Variants in ZNF385C observed in about 807,000 individuals in gnomAD.
ZNF385C encodes CTD-2132N18.2.
Under a neutral mutation model 35.4 loss-of-function variants are expected in ZNF385C, and 28 were observed. The observed-to-expected ratio is 0.79, with a 90% CI of 0.59 to 1.08. The LOEUF (loss-of-function observed/expected upper bound fraction) is 1.08. Ranked by LOEUF, ZNF385C falls within the 50% of genes least tolerant of loss-of-function variation. The pLI is 0.00. For synonymous variants in ZNF385C, 248 were observed against 248.2 expected (o/e 1.00, Z 0.01); for missense variants, 605 against 595.6 (o/e 1.02, Z -0.16).
intron 1 of ZNF385C, among the ~76,000 whole-genome samples, chr17:42,085,992 A>C (rs1370178760): frequency 6.6e-6 from 1 of 152,038 alleles, no homozygotes; most frequent in African/African-American, 2.4e-5. Flanking sequence ...TGCTTGAGCC[A>C]GGGAGGTTGA....
chr17:42,038,835 T>G (rs889924336), intron 2 of ZNF385C: 8 of 152,200 alleles, frequency 5.3e-5, no homozygotes, highest in African/African-American at 1.9e-4. Context: ...TCTGGAACCA[T>G]TGGCCCTTGA....
chr17:42,075,557 C>T (rs562397801), intron 1 of ZNF385C, among the ~76,000 whole-genome samples: 14 of 147,448 alleles, frequency 9.5e-5, no homozygotes, highest in Non-Finnish European at 1.5e-4. Flanking sequence ...TGCAGTGGCG[C>T]GATCTCGGCT....
At chr17:42,045,343 G>A (rs573712904) in intron 2 of ZNF385C, among the ~76,000 whole-genome samples, 7 of 152,262 alleles carry the variant, frequency 4.6e-5, no homozygotes, top group Middle Eastern at 3.2e-3. Context: ...GCGCCACCGC[G>A]CCTGGCCTTA....
chr17:42,070,625 A>G (rs1187301126), intron 1 of ZNF385C, among the ~76,000 whole-genome samples: 1 of 152,172 alleles, frequency 6.6e-6, no homozygotes, highest in Admixed American at 6.5e-5. Flanking sequence ...TCAGCATCAC[A>G]AAGAGAGGCA....
At chr17:42,055,057 A>G (rs1458597974) in intron 2 of ZNF385C, among the ~76,000 whole-genome samples, 1 of 152,052 alleles carries the variant, frequency 6.6e-6, no homozygotes, top group Non-Finnish European at 1.5e-5. Context: ...CAGCCAGCCC[A>G]CAGCTGGATC....
intron 1 of ZNF385C, among the ~76,000 whole-genome samples, chr17:42,066,057 C>CTGTTT (rs781950820): frequency 8.6e-5 from 13 of 150,942 alleles, no homozygotes; most frequent in Admixed American, 2.0e-4. Flanking sequence ...GTTTGTTTGT[C>CTGTTT]TGTTTTGTTT....
At chr17:42,051,293 G>A in intron 2 of ZNF385C, among the ~76,000 whole-genome samples, 1 of 152,076 alleles carries the variant, frequency 6.6e-6, no homozygotes, top group East Asian at 1.9e-4. Flanking sequence ...GGGGTTGACA[G>A]AGTGGGGAAG....
At position 42,050,869 on chromosome 17, in the gene ZNF385C, T is replaced by C. The variant is rs1422094821; in HGVS notation, c.250+11938A>G. Among the ~76,000 whole-genome samples the C allele has an allele frequency of 1.3e-5, 2 of 151,974 alleles. No individual in the cohort carries two copies. The highest frequency in any genetic ancestry group is 2.9e-5 in the Non-Finnish European group (2 of 67,962). On this transcript the variant is annotated intron_variant, in intron 2 of 8. Coordinates refer to ENST00000692273, the MANE Select transcript of ZNF385C (RefSeq NM_001392013.1). This position sits in a 1 kb window ranked among gnomAD's most constrained non-coding sequence, Gnocchi z 5.6. ...TGCCGGGGTTCATTCGGTCCGCGCA[T>C]GTATCCGGGGTTCCTCGAGGGGCTC...
intron 2 of ZNF385C, among the ~76,000 whole-genome samples, chr17:42,047,184 A>C (rs1394183685): frequency 2.6e-5 from 4 of 151,688 alleles, no homozygotes; most frequent in Non-Finnish European, 4.4e-5. Flanking sequence ...GGTGCCCGCC[A>C]CCATGCCCGG....
intron 1 of ZNF385C, among the ~76,000 whole-genome samples, chr17:42,074,610 C>T (rs1261674486): frequency 6.6e-6 from 1 of 152,040 alleles, no homozygotes; most frequent in Non-Finnish European, 1.5e-5. Flanking sequence ...AGGATGGTCT[C>T]GATCTCCTGA....
At chr17:42,092,775 C>A (rs1326059282) in intron 1 of ZNF385C, among the ~76,000 whole-genome samples, 1 of 152,218 alleles carries the variant, frequency 6.6e-6, no homozygotes, top group Non-Finnish European at 1.5e-5. Context: ...GTCCCATCCC[C>A]ATCCTGCCCT....
At chr17:42,059,475 G>A (rs1336730640) in intron 2 of ZNF385C, among the ~76,000 whole-genome samples, 2 of 152,132 alleles carry the variant, frequency 1.3e-5, no homozygotes, top group African/African-American at 4.8e-5. Context: ...CTAAGATGGT[G>A]CCCCCACGCC....
intron 1 of ZNF385C, among the ~76,000 whole-genome samples, chr17:42,069,722 G>A (rs1289551227): frequency 6.6e-6 from 1 of 152,220 alleles, no homozygotes; most frequent in Non-Finnish European, 1.5e-5. Context: ...GCCAGACCCT[G>A]CCTCGCTGGG....
At chr17:42,032,588 G>A (rs1331039429) in intron 4 of ZNF385C, among the ~76,000 whole-genome samples, 3 of 152,190 alleles carry the variant, frequency 2.0e-5, no homozygotes, top group Non-Finnish European at 2.9e-5. Context: ...ATGTACCCCA[G>A]AACATTCATC....
intron 1 of ZNF385C, among the ~76,000 whole-genome samples, chr17:42,096,513 C>T (rs1179264856): frequency 1.3e-5 from 2 of 152,230 alleles, no homozygotes; most frequent in African/African-American, 4.8e-5. Flanking sequence ...CTACTGAACT[C>T]AGCCTTCCCT....
At chr17:42,032,743 G>A (rs1430625294) in intron 4 of ZNF385C, among the ~76,000 whole-genome samples, 13 of 150,280 alleles carry the variant, frequency 8.7e-5, no homozygotes, top group African/African-American at 2.5e-4. Flanking sequence ...ACGGAATCTC[G>A]CTTTGTCACC....
chr17:42,043,128 T>C (rs2053065909), intron 2 of ZNF385C: 2 of 1,232,022 alleles, frequency 1.6e-6, no homozygotes, highest in Admixed American at 4.2e-5. Flanking sequence ...GGCGGTGGGC[T>C]CCTGAGGTCA....
chr17:42,077,783 G>A lies in ZNF385C; in HGVS notation c.-2-14725C>T, dbSNP rs534356165. On this transcript the variant is annotated intron_variant, in intron 1 of 8. Coordinates refer to ENST00000692273, the MANE Select transcript of ZNF385C (RefSeq NM_001392013.1). ...TGGGAGAGGCCCCAACAGTGGGTAG[G>A]CCTGTCCCACCCCACCCATCATGGG... Among the ~76,000 whole-genome samples the A allele has an allele frequency of 2.4e-3, 372 of 152,198 alleles. 3 individuals are homozygous for A. In the South Asian group the frequency reaches 0.025, roughly 10 times the overall value.
At chr17:42,071,247 TCCCC>T (rs1415385450) in intron 1 of ZNF385C, among the ~76,000 whole-genome samples, 1 of 152,178 alleles carries the variant, frequency 6.6e-6, no homozygotes, top group Non-Finnish European at 1.5e-5. Context: ...CCTGTCGCCT[TCCCC>T]TGGGGCCTTC....
Sources: allele counts gnomAD v4.1 joint callset (sites outside exome capture counted in the v4.1 genomes callset), GRCh38; gene constraint gnomAD v4.1.1; non-coding constraint Gnocchi (gnomAD v3.1); transcripts MANE v1.5; gene names NCBI Gene and HGNC (gene_info 2026-07-23, HGNC 2026-07-21).